The following RNF13 variants were observed in gnomAD, a reference collection of about 807,000 sequenced individuals.
RNF13 encodes the protein ring finger protein 13, also known as E3 ubiquitin-protein ligase RNF13.
A neutral mutation model predicts 37.7 loss-of-function variants in RNF13; 19 were observed. That is an observed-to-expected ratio of 0.50 (90% CI 0.35 to 0.74). The LOEUF is 0.74. Ranked by LOEUF, RNF13 falls within the 30% of genes least tolerant of loss-of-function variation. The probability of loss-of-function intolerance (pLI) is 0.01; values close to 1 mark genes in which losing one functional copy is unlikely to be tolerated. For synonymous variants in RNF13, 144 were observed against 157.8 expected (o/e 0.91, Z 0.65); for missense variants, 375 against 453.0 (o/e 0.83, Z 1.56).
At chr3:149,821,589 G>A (rs995323039) in intron 1 of RNF13, among the ~76,000 whole-genome samples, 1 of 145,238 alleles carries the variant, frequency 6.9e-6, no homozygotes, top group African/African-American at 2.6e-5. Context: ...TATATAATGT[G>A]CAAATGTTTT....
chr3:149,930,087 G>A (rs1043980541), intron 8 of RNF13, among the ~76,000 whole-genome samples: 10 of 152,114 alleles, frequency 6.6e-5, no homozygotes, highest in African/African-American at 2.4e-4. Flanking sequence ...CACCATGCCT[G>A]TCTAATTTTT....
At chr3:149,893,261 C>T (rs1296763052) in intron 4 of RNF13, among the ~76,000 whole-genome samples, 1 of 152,138 alleles carries the variant, frequency 6.6e-6, no homozygotes, top group Non-Finnish European at 1.5e-5. Flanking sequence ...GCATGTTTGC[C>T]TTCACACATA....
intron 1 of RNF13, among the ~76,000 whole-genome samples, chr3:149,835,705 T>G (rs1721551592): frequency 6.6e-6 from 1 of 150,602 alleles, no homozygotes; most frequent in Non-Finnish European, 1.5e-5. Flanking sequence ...CACAATTTCT[T>G]TATCCAGTAG....
At chr3:149,887,703 ACT>A (rs1353421489) in intron 4 of RNF13, among the ~76,000 whole-genome samples, 2 of 151,588 alleles carry the variant, frequency 1.3e-5, no homozygotes, top group Admixed American at 1.3e-4. Flanking sequence ...ACTTTTACAC[ACT>A]CTCTCTTCTC....
intron 3 of RNF13, among the ~76,000 whole-genome samples, chr3:149,865,706 C>T (rs1273896172): frequency 6.6e-6 from 1 of 152,086 alleles, no homozygotes. Flanking sequence ...TGAGCTTTCT[C>T]TCTGTCTACT....
intron 8 of RNF13, among the ~76,000 whole-genome samples, chr3:149,929,313 C>T (rs1213724310): frequency 1.3e-5 from 2 of 152,088 alleles, no homozygotes; most frequent in Non-Finnish European, 2.9e-5. Flanking sequence ...CTTATAAAAC[C>T]ATCAGATCTC....
chr3:149,950,064 T>C (rs1721166250), intron 8 of RNF13, among the ~76,000 whole-genome samples: 1 of 152,180 alleles, frequency 6.6e-6, no homozygotes, highest in Non-Finnish European at 1.5e-5. Flanking sequence ...TCAAGATGTG[T>C]CCAGTATACT....
chr3:149,927,242 T>C (rs1433335010), intron 8 of RNF13, among the ~76,000 whole-genome samples: 1 of 152,256 alleles, frequency 6.6e-6, no homozygotes, highest in Non-Finnish European at 1.5e-5. Flanking sequence ...TTACCTGATA[T>C]TTGTCCTGTT....
chr3:149,826,623 T>C (rs1035574379), intron 1 of RNF13, among the ~76,000 whole-genome samples: 2 of 152,188 alleles, frequency 1.3e-5, no homozygotes, highest in Non-Finnish European at 2.9e-5. Flanking sequence ...GTATATATTA[T>C]GCAAAATGAA....
intron 1 of RNF13, among the ~76,000 whole-genome samples, chr3:149,841,017 A>G (rs1044549435): frequency 1.1e-4 from 17 of 152,244 alleles, no homozygotes; most frequent in Non-Finnish European, 2.4e-4. Context: ...CTCAAGCATC[A>G]TGCTTTCTTT....
At chr3:149,905,154 A>G (rs1716261050) in intron 6 of RNF13, among the ~76,000 whole-genome samples, 2 of 152,144 alleles carry the variant, frequency 1.3e-5, no homozygotes, top group South Asian at 4.1e-4. Context: ...TTTAATGTAT[A>G]TGTATTTTTG....
chr3:149,954,953 T>A (rs555230610), intron 8 of RNF13, among the ~76,000 whole-genome samples: 23 of 152,188 alleles, frequency 1.5e-4, no homozygotes, highest in South Asian at 4.1e-4. Context: ...TACCACACAC[T>A]GTTTCCTAAC....
intron 1 of RNF13, among the ~76,000 whole-genome samples, chr3:149,842,733 G>C (rs1434279698): frequency 1.3e-5 from 2 of 152,152 alleles, no homozygotes; most frequent in Non-Finnish European, 2.9e-5. Context: ...ATATTCATAA[G>C]GAATGCCATA....
intron 8 of RNF13, among the ~76,000 whole-genome samples, chr3:149,932,727 T>C (rs1719286082): frequency 6.6e-6 from 1 of 152,236 alleles, no homozygotes. Context: ...TCCATCCCTG[T>C]GGCTCTCACA....
At chr3:149,941,537 T>G (rs1720273460) in intron 8 of RNF13, among the ~76,000 whole-genome samples, 1 of 151,650 alleles carries the variant, frequency 6.6e-6, no homozygotes, top group Non-Finnish European at 1.5e-5. Context: ...TAGGTTTTTT[T>G]TTTTTTTTTT....
intron 8 of RNF13, among the ~76,000 whole-genome samples, chr3:149,921,798 C>T (rs991730319): frequency 6.6e-6 from 1 of 152,100 alleles, no homozygotes; most frequent in Non-Finnish European, 1.5e-5. Flanking sequence ...GATTTATAAT[C>T]ATTTGGGTAT....
chr3:149,915,847 G>A (rs2971464), intron 7 of RNF13, among the ~76,000 whole-genome samples: 5 of 152,184 alleles, frequency 3.3e-5, no homozygotes, highest in Admixed American at 3.3e-4. Flanking sequence ...GGGGACTGAG[G>A]AAGGGGGAGT....
At chr3:149,906,266 G>A (rs903761056) in intron 6 of RNF13, among the ~76,000 whole-genome samples, 2 of 151,836 alleles carry the variant, frequency 1.3e-5, no homozygotes, top group Non-Finnish European at 2.9e-5. Context: ...TCCACAACTT[G>A]GCTATTGTGA....
chr3:149,901,296 C>CAAATGTG (rs1715809509), intron 5 of RNF13, among the ~76,000 whole-genome samples: 2 of 152,090 alleles, frequency 1.3e-5, no homozygotes, highest in Non-Finnish European at 2.9e-5. Context: ...ACAAATGGGC[C>CAAATGTG]TTCTCTAAAG....
Sources: allele counts gnomAD v4.1 joint callset (sites outside exome capture counted in the v4.1 genomes callset), GRCh38; gene constraint gnomAD v4.1.1; transcripts MANE v1.5; gene names NCBI Gene and HGNC (gene_info 2026-07-23, HGNC 2026-07-21).